OR4N2: variants seen among roughly 807,000 people sequenced by gnomAD.
OR4N2 encodes olfactory receptor 4N2.
For synonymous variants in OR4N2, 141 were observed against 140.4 expected (o/e 1.00, Z -0.03); for missense variants, 307 against 377.6 (o/e 0.81, Z 1.55).
chr14:19,819,170 T>C (rs1406969901), intron 1 of OR4N2, among the ~76,000 whole-genome samples: 2 of 152,236 alleles, frequency 1.3e-5, no homozygotes, highest in African/African-American at 4.8e-5. Context: ...TTCTTGGGGT[T>C]GCTCTTCTCG....
intron 1 of OR4N2, among the ~76,000 whole-genome samples, chr14:19,805,824 A>G (rs1566461307): frequency 6.6e-6 from 1 of 152,178 alleles, no homozygotes; most frequent in Non-Finnish European, 1.5e-5. Flanking sequence ...GGATCTAGAA[A>G]GAAAGGTCAG....
chr14:19,815,683 G>A lies in OR4N2; in HGVS notation c.-9-11757G>A, dbSNP rs373026038. On this transcript the variant is annotated intron_variant, in intron 1 of 1. Transcript: ENST00000557677. ...TTTTTTTTTTTTGTTTTTTTTCTGT[G>A]CAGAAGCTCTTCAGTTTAATTAGAT... Among the ~76,000 whole-genome samples the A allele has an allele frequency of 7.1e-5, 10 of 140,804 alleles. No individual in the cohort carries two copies. The South Asian group carries it at 2.2e-3, about 31-fold the overall frequency. The allele number at this position is 140,804 out of a possible 152,430, so 92.4% of individuals were successfully genotyped here.
intron 1 of OR4N2, among the ~76,000 whole-genome samples, chr14:19,818,617 G>A (rs1220388673): frequency 2.0e-5 from 3 of 152,134 alleles, no homozygotes; most frequent in African/African-American, 7.2e-5. Flanking sequence ...GCACACCAAT[G>A]GGTCTTGAGT....
chr14:19,812,319 C>CTTTTTT (rs1879318650), intron 1 of OR4N2, among the ~76,000 whole-genome samples: 1 of 107,516 alleles, frequency 9.3e-6, no homozygotes. Context: ...TTTTTCTTTT[C>CTTTTTT]TTTTCTTTTC....
At chr14:19,807,339 T>C (rs1879189875) in intron 1 of OR4N2, among the ~76,000 whole-genome samples, 1 of 151,996 alleles carries the variant, frequency 6.6e-6, no homozygotes, top group African/African-American at 2.4e-5. Flanking sequence ...GATTGCTAGC[T>C]AGATTAACAT....
chr14:19,815,802 G>T (rs1879413051), intron 1 of OR4N2, among the ~76,000 whole-genome samples: 1 of 152,084 alleles, frequency 6.6e-6, no homozygotes, highest in Non-Finnish European at 1.5e-5. Context: ...GTATTGGCTA[G>T]GTTTTCTTTT....
rs201437030 is a variant in OR4N2, at chr14:19,826,697, T to C, written c.-9-743T>C. ...CACTGGGAACAGAGAAAGAAATGTG[T>C]TGTGAGTTTATTAATATTTGAAACT... is the stretch of plus-strand genomic sequence containing the variant. On this transcript the variant is annotated intron_variant, in intron 1 of 1. Transcript: ENST00000557677. Among the ~76,000 whole-genome samples, 22 of 152,302 alleles carry C rather than the reference T, an allele frequency of 1.4e-4. No homozygotes were observed. The East Asian group carries it at 4.1e-3, about 28-fold the overall frequency.
intron 1 of OR4N2, among the ~76,000 whole-genome samples, chr14:19,824,614 TG>T (rs1879646082): frequency 6.6e-6 from 1 of 152,238 alleles, no homozygotes; most frequent in Non-Finnish European, 1.5e-5. Flanking sequence ...CTTCCACCTC[TG>T]CCACCCCTGA....
At chr14:19,814,393 T>G (rs1879376283) in intron 1 of OR4N2, among the ~76,000 whole-genome samples, 1 of 152,212 alleles carries the variant, frequency 6.6e-6, no homozygotes. Flanking sequence ...TATGCAACAG[T>G]ATTCATGAGC....
chr14:19,805,394 G>T (rs1160884978), intron 1 of OR4N2, among the ~76,000 whole-genome samples: 3 of 152,130 alleles, frequency 2.0e-5, no homozygotes, highest in Non-Finnish European at 2.9e-5. Context: ...CTTTAAGAAA[G>T]AACCAAAGTG....
chr14:19,810,985 G>T (rs1200844538), intron 1 of OR4N2, among the ~76,000 whole-genome samples: 3 of 152,352 alleles, frequency 2.0e-5, no homozygotes, highest in East Asian at 1.9e-4. Flanking sequence ...AAAAGGAAAT[G>T]AATGTAGAGC....
At chr14:19,822,696 A>G (rs1202469669) in intron 1 of OR4N2, among the ~76,000 whole-genome samples, 1 of 152,262 alleles carries the variant, frequency 6.6e-6, no homozygotes, top group East Asian at 1.9e-4. Context: ...TCCATTCAAT[A>G]TAACTACTTT....
chr14:19,805,653 C>T (rs1780893), intron 1 of OR4N2, among the ~76,000 whole-genome samples: 12,360 of 149,742 alleles, frequency 0.083, 105 homozygotes, highest in East Asian at 0.18. Context: ...ATAAACAACT[C>T]GGAAAATAAA....
At chr14:19,824,486 A>C (rs1231461282) in intron 1 of OR4N2, among the ~76,000 whole-genome samples, 2 of 152,260 alleles carry the variant, frequency 1.3e-5, no homozygotes, top group Non-Finnish European at 2.9e-5. Context: ...ATGCTAACAC[A>C]TCAAGAAATA....
chr14:19,825,823 G>C (rs1879682933), intron 1 of OR4N2, among the ~76,000 whole-genome samples: 1 of 152,192 alleles, frequency 6.6e-6, no homozygotes. Context: ...CTCCCAAAGT[G>C]CTGGGATTAC....
At chr14:19,820,972 G>A (rs1164966342) in intron 1 of OR4N2, among the ~76,000 whole-genome samples, 1 of 152,190 alleles carries the variant, frequency 6.6e-6, no homozygotes, top group East Asian at 1.9e-4. Flanking sequence ...GGTGCCACTG[G>A]GGTATGAAAA....
At chr14:19,814,466 C>T (rs139205529) in intron 1 of OR4N2, among the ~76,000 whole-genome samples, 3,187 of 151,828 alleles carry the variant, frequency 0.021, 25 homozygotes, top group African/African-American at 0.069. Context: ...GAGTAAGGTG[C>T]TTATCTCGCA....
intron 1 of OR4N2, among the ~76,000 whole-genome samples, chr14:19,807,341 G>T (rs1050433168): frequency 4.6e-5 from 7 of 151,888 alleles, no homozygotes; most frequent in African/African-American, 1.7e-4. Flanking sequence ...TTGCTAGCTA[G>T]ATTAACATAG....
chr14:19,822,475 T>C (rs1380050651), intron 1 of OR4N2: 2 of 152,270 alleles, frequency 1.3e-5, no homozygotes, highest in Non-Finnish European at 2.9e-5. Context: ...TTCTGTTGCA[T>C]GTGGTTATAT....
Sources: gnomAD v4.1 joint callset for allele counts (sites outside exome capture counted in the v4.1 genomes callset) on GRCh38, gnomAD v4.1.1 for gene constraint, MANE v1.5 for transcripts, NCBI Gene and HGNC (gene_info 2026-07-23, HGNC 2026-07-21) for gene names.